The following THAP4 variants were observed in gnomAD, a reference collection of about 807,000 sequenced individuals.
The protein encoded by THAP4 is THAP domain containing 4.
A neutral mutation model predicts 48.1 loss-of-function variants in THAP4; 18 were observed. That is an observed-to-expected ratio of 0.37 (90% CI 0.26 to 0.56). THAP4 has a LOEUF of 0.56. Ranked by LOEUF, THAP4 falls within the 20% of genes least tolerant of loss-of-function variation. THAP4 has a pLI of 0.78. For synonymous variants in THAP4, 345 were observed against 324.9 expected (o/e 1.06, Z -0.66); for missense variants, 656 against 774.9 (o/e 0.85, Z 1.82).
At chr2:241,586,041 G>C (rs2066892918) in intron 5 of THAP4, among the ~76,000 whole-genome samples, 1 of 151,450 alleles carries the variant, frequency 6.6e-6, no homozygotes, top group Non-Finnish European at 1.5e-5. Flanking sequence ...GGATCACGAG[G>C]TAAGGAGATC....
intron 2 of THAP4, among the ~76,000 whole-genome samples, chr2:241,629,347 T>G: frequency 6.6e-6 from 1 of 151,712 alleles, no homozygotes; most frequent in East Asian, 1.9e-4. Context: ...GGTATGTGCC[T>G]GTAGTCCCAG....
At chr2:241,627,391 G>A (rs556792956) in intron 2 of THAP4, among the ~76,000 whole-genome samples, 203 of 152,342 alleles carry the variant, frequency 1.3e-3, no homozygotes, top group Middle Eastern at 3.4e-3. Context: ...TATCAAGAAC[G>A]TTTATAACTC....
intron 2 of THAP4, among the ~76,000 whole-genome samples, chr2:241,613,021 A>C (rs2067297619): frequency 6.6e-6 from 1 of 152,238 alleles, no homozygotes; most frequent in South Asian, 2.1e-4. Context: ...TAAATAAAAT[A>C]TATTATTAAA....
intron 2 of THAP4, among the ~76,000 whole-genome samples, chr2:241,618,813 C>T (rs1352866561): frequency 2.0e-5 from 3 of 151,548 alleles, no homozygotes; most frequent in African/African-American, 7.3e-5. Flanking sequence ...AGGTTCTCCC[C>T]ACGAAAAGCC....
At chr2:241,588,890 C>T (rs190949133) in intron 5 of THAP4, among the ~76,000 whole-genome samples, 1 of 152,136 alleles carries the variant, frequency 6.6e-6, no homozygotes, top group Non-Finnish European at 1.5e-5. Context: ...AAAGCACTGA[C>T]TAGAGAAAAA....
chr2:241,615,193 G>A (rs2067323896), intron 2 of THAP4, among the ~76,000 whole-genome samples: 1 of 152,142 alleles, frequency 6.6e-6, no homozygotes, highest in African/African-American at 2.4e-5. Flanking sequence ...TCTGAACGGT[G>A]ACGGGGAGGG....
At chr2:241,608,041 G>A (rs1038936092) in intron 2 of THAP4, among the ~76,000 whole-genome samples, 2 of 151,948 alleles carry the variant, frequency 1.3e-5, no homozygotes, top group East Asian at 1.9e-4. Context: ...GGACTGACGG[G>A]GACAGGAGTT....
intron 5 of THAP4, among the ~76,000 whole-genome samples, chr2:241,597,634 T>G (rs2067065462): frequency 6.6e-6 from 1 of 152,204 alleles, no homozygotes; most frequent in African/African-American, 2.4e-5. Flanking sequence ...GGACTGGCCC[T>G]CCAAGACCCA....
intron 5 of THAP4, among the ~76,000 whole-genome samples, chr2:241,590,805 T>C (rs35139731): frequency 3.1e-3 from 239 of 76,990 alleles, no homozygotes; most frequent in African/African-American, 7.5e-3. Flanking sequence ...GCTCGGCTGA[T>C]GATAATGGGC....
At chr2:241,584,862 C>T in intron 5 of THAP4, 137 bp from the exon 6 acceptor site, 12 of 1,113,300 alleles carry the variant, frequency 1.1e-5, no homozygotes, top group Non-Finnish European at 1.6e-5. Flanking sequence ...AGGGTAGACA[C>T]ACAGCCCAGG....
At position 241,612,548 on chromosome 2, in the gene THAP4, A is replaced by C. The variant is rs2125085181; in HGVS notation, c.1241-6075T>G. Reference sequence around the variant, plus strand: ...CAGATGTCCGTCAACCAATGAGTAAACAAACTGCAGTATATCCAGACAATG... The same window carrying C: ...CAGATGTCCGTCAACCAATGAGTAACCAAACTGCAGTATATCCAGACAATG... On this transcript the variant is annotated intron_variant, in intron 2 of 5. Coordinates refer to ENST00000407315, the MANE Select transcript of THAP4 (RefSeq NM_015963.6). The surrounding 1 kb of genome is among the most constrained non-coding windows in gnomAD (Gnocchi z 4.1). Among the ~76,000 whole-genome samples the C allele has an allele frequency of 6.6e-6, 1 of 152,372 alleles. No homozygotes were observed. The highest frequency in any genetic ancestry group is 6.5e-5 in the Admixed American group (1 of 15,300).
upstream of THAP4, chr2:241,637,512 C>A: frequency 1.4e-6 from 2 of 1,438,292 alleles, no homozygotes; most frequent in South Asian, 1.4e-5. Context: ...CGACCCCATG[C>A]CGCCCGCAGG....
chr2:241,594,516 G>A (rs2067025050), intron 5 of THAP4: 1 of 260,118 alleles, frequency 3.8e-6, no homozygotes, highest in Non-Finnish European at 7.8e-6. Flanking sequence ...CTTGAGTTCA[G>A]GAGTTCAAGA....
chr2:241,604,697 A>C (rs2067157710), intron 3 of THAP4, among the ~76,000 whole-genome samples: 1 of 152,170 alleles, frequency 6.6e-6, no homozygotes, highest in South Asian at 2.1e-4. Flanking sequence ...GGCGTCAGCC[A>C]CCGCACCTGG....
Position 241,596,227 on chromosome 2 carries a change from C to T in THAP4, c.1614+5669G>A, listed in dbSNP as rs960918445. 8.5e-5 allele frequency among the ~76,000 whole-genome samples: 13 copies of T among 152,170 alleles called. No individual in the cohort carries two copies. In the South Asian group the frequency reaches 2.1e-3, roughly 24 times the overall value. Reference sequence around the variant, plus strand: ...ACATAAAATTAAAAGCAACTTGGGGCGGGGCATAGTGGCTCACGCCTGTAA... The same window carrying T: ...ACATAAAATTAAAAGCAACTTGGGGTGGGGCATAGTGGCTCACGCCTGTAA... On this transcript the variant is annotated intron_variant, in intron 5 of 5. Transcript: ENST00000407315.
At chr2:241,627,668 T>C (rs2067510414) in intron 2 of THAP4, among the ~76,000 whole-genome samples, 1 of 151,746 alleles carries the variant, frequency 6.6e-6, no homozygotes, top group Non-Finnish European at 1.5e-5. Context: ...ACCCAAAGAG[T>C]CTGTCACTGA....
chr2:241,605,381 G>A (rs376389281), intron 3 of THAP4, among the ~76,000 whole-genome samples: 8 of 152,214 alleles, frequency 5.3e-5, no homozygotes, highest in African/African-American at 1.9e-4. Flanking sequence ...GACTAAGGGA[G>A]GGTTTGCTTT....
chr2:241,598,342 A>T (rs143825885), intron 5 of THAP4, among the ~76,000 whole-genome samples: 139 of 152,360 alleles, frequency 9.1e-4, no homozygotes, highest in Non-Finnish European at 1.2e-3. Flanking sequence ...GCTCCCAGCT[A>T]GCCTGTGAAT....
At chr2:241,602,078 G>T in intron 4 of THAP4, 79 bp from the exon 5 acceptor site, 2 of 1,435,032 alleles carry the variant, frequency 1.4e-6, no homozygotes, top group Non-Finnish European at 9.5e-7. Flanking sequence ...TTGCCTGCAA[G>T]CCGGGACTCC....
Sources: gnomAD v4.1 joint callset for allele counts (sites outside exome capture counted in the v4.1 genomes callset) on GRCh38, gnomAD v4.1.1 for gene constraint, Gnocchi (gnomAD v3.1) non-coding constraint, MANE v1.5 for transcripts, NCBI Gene and HGNC (gene_info 2026-07-23, HGNC 2026-07-21) for gene names.